The following SLC36A1 variants were observed in gnomAD, a reference collection of about 807,000 sequenced individuals.
SLC36A1 encodes the protein proton-coupled amino acid transporter 1.
A neutral mutation model predicts 47.5 loss-of-function variants in SLC36A1; 30 were observed. The observed-to-expected ratio is 0.63, with a 90% CI of 0.47 to 0.86. SLC36A1 has a LOEUF of 0.86. Among genes scored for constraint, SLC36A1 ranks in the 40% least tolerant of loss-of-function variants. SLC36A1 has a pLI of 0.00. For missense variants in SLC36A1, 517 were observed against 606.0 expected (o/e 0.85, Z 1.54); for synonymous variants, 255 against 249.7 (o/e 1.02, Z -0.20).
At chr5:151,528,110 T>C in the SLC36A1 span, 1 of 1,613,874 alleles carries the variant, frequency 6.2e-7, no homozygotes, top group Non-Finnish European at 8.5e-7. Context: ...TATTTAGGGG[T>C]CCATCTTCAT....
the SLC36A1 span, chr5:151,525,804 G>A: frequency 1.2e-6 from 2 of 1,614,132 alleles, no homozygotes; most frequent in Admixed American, 3.3e-5. Context: ...GAGCCCTCCT[G>A]CTTAGGCCCT....
At chr5:151,378,584 G>T in the SLC36A1 span, 1 of 202,714 alleles carries the variant, frequency 4.9e-6, no homozygotes, top group South Asian at 9.9e-5. Context: ...CCAGGCAGAA[G>T]AGGTCATGGT....
At chr5:151,360,881 G>T in the SLC36A1 span, among the ~76,000 whole-genome samples, 105 of 152,228 alleles carry the variant, frequency 6.9e-4, no homozygotes, top group African/African-American at 2.5e-3. Context: ...CCTCTGGCAT[G>T]GTGTCTATTT....
chr5:151,474,152 T>A (rs1360652716), intron 8 of SLC36A1, among the ~76,000 whole-genome samples: 30 of 67,608 alleles, frequency 4.4e-4, no homozygotes, highest in Non-Finnish European at 6.2e-4. Context: ...AGAGCGAGAC[T>A]CTGTCTCAAA....
At chr5:151,538,094 CAGAGAG>C in the SLC36A1 span, 4 of 590,744 alleles carry the variant, frequency 6.8e-6, no homozygotes, top group East Asian at 1.1e-4. Context: ...AGAACAGAGA[CAGAGAG>C]AGAGAAAGAG....
the SLC36A1 span, chr5:151,543,269 C>T: frequency 1.9e-6 from 3 of 1,614,184 alleles, no homozygotes; most frequent in South Asian, 1.1e-5. Flanking sequence ...GAGTAGGTGA[C>T]ATCTGCGTTC....
chr5:151,382,778 G>C, the SLC36A1 span, among the ~76,000 whole-genome samples: 1 of 152,170 alleles, frequency 6.6e-6, no homozygotes, highest in Non-Finnish European at 1.5e-5. Flanking sequence ...ATTGGTACCA[G>C]AATAATTTTG....
At chr5:151,499,812 C>A in the SLC36A1 span, among the ~76,000 whole-genome samples, 1 of 149,950 alleles carries the variant, frequency 6.7e-6, no homozygotes, top group Non-Finnish European at 1.5e-5. Flanking sequence ...ATTCTTACAC[C>A]GTTTGTCCTG....
In SLC36A1 at chr5:151,474,178, A is replaced by AAAAAAAAAAAAAAAGAG. The variant is rs776318482; in HGVS notation, c.822+408_822+409insAAAAAAAAAAAAAGAGA. On this transcript the variant is annotated intron_variant, in intron 8 of 10. Coordinates refer to ENST00000243389, the MANE Select transcript of SLC36A1 (RefSeq NM_078483.4). ...CTGTCTCAAAAAAAAAAAAAAAAAA[A>AAAAAAAAAAAAAAAGAG]AGAAATTATCTTCTGTAACTCACTG... Among the ~76,000 whole-genome samples the AAAAAAAAAAAAAAAGAG allele has an allele frequency of 1.9e-3, 222 of 118,950 alleles. 12 individuals carry two copies. The highest frequency in any genetic ancestry group is 4.9e-3 in the African/African-American group (109 of 22,278). 78.0% of individuals were successfully genotyped at this position (118,950 alleles called of 152,430 possible).
the SLC36A1 span, among the ~76,000 whole-genome samples, chr5:151,519,163 G>T: frequency 6.6e-6 from 1 of 152,164 alleles, no homozygotes; most frequent in Non-Finnish European, 1.5e-5. Flanking sequence ...GGTCAACGTG[G>T]TGAAACCCCG....
chr5:151,517,716 T>C, the SLC36A1 span: 2 of 1,614,092 alleles, frequency 1.2e-6, no homozygotes, highest in African/African-American at 1.3e-5. Flanking sequence ...TCCGAGCCGC[T>C]GGGGCCCTGT....
the SLC36A1 span, among the ~76,000 whole-genome samples, chr5:151,394,753 T>G: frequency 6.6e-6 from 1 of 152,202 alleles, no homozygotes; most frequent in African/African-American, 2.4e-5. Flanking sequence ...GCCTGATCGT[T>G]CCTCTGGAAG....
intron 1 of SLC36A1, among the ~76,000 whole-genome samples, chr5:151,453,278 A>G (rs1362212639): frequency 6.6e-6 from 1 of 151,738 alleles, no homozygotes; most frequent in East Asian, 1.9e-4. Context: ...TTGGGCCCAG[A>G]AATCTATTTT....
chr5:151,369,422 C>T, the SLC36A1 span, among the ~76,000 whole-genome samples: 9 of 152,336 alleles, frequency 5.9e-5, no homozygotes, highest in African/African-American at 1.7e-4. Flanking sequence ...GAAAGCAATT[C>T]GTGCATTAGA....
At chr5:151,392,696 A>T in the SLC36A1 span, among the ~76,000 whole-genome samples, 3 of 152,304 alleles carry the variant, frequency 2.0e-5, no homozygotes, top group Non-Finnish European at 4.4e-5. Context: ...TTCAGTTTCC[A>T]TGTAGTTGAG....
intron 7 of SLC36A1, chr5:151,469,099 A>C (rs1756984300): frequency 2.2e-6 from 1 of 444,852 alleles, no homozygotes; most frequent in Non-Finnish European, 4.0e-6. Flanking sequence ...ACTTAAAAAA[A>C]AAAATACTTA....
At chr5:151,409,796 A>C in the SLC36A1 span, among the ~76,000 whole-genome samples, 2 of 152,178 alleles carry the variant, frequency 1.3e-5, no homozygotes, top group Non-Finnish European at 2.9e-5. Flanking sequence ...TGATCATCCA[A>C]ATCAGCTGGG....
chr5:151,433,266 A>T (rs1171474666), upstream of SLC36A1, among the ~76,000 whole-genome samples: 235 of 9,392 alleles, frequency 0.025, 2 homozygotes, highest in Middle Eastern at 0.1. Flanking sequence ...ATATATATAT[A>T]TTTTTTTTTT....
the SLC36A1 span, among the ~76,000 whole-genome samples, chr5:151,384,018 T>C: frequency 7.7e-6 from 1 of 129,128 alleles, no homozygotes; most frequent in African/African-American, 3.6e-5. Flanking sequence ...AATAAAATCA[T>C]AGTGTTTTGT....
Sources: gnomAD v4.1 joint callset for allele counts (sites outside exome capture counted in the v4.1 genomes callset) on GRCh38, gnomAD v4.1.1 for gene constraint, MANE v1.5 for transcripts, NCBI Gene and HGNC (gene_info 2026-07-23, HGNC 2026-07-21) for gene names.